LRP4: variants seen among roughly 807,000 people sequenced by gnomAD.
LRP4 encodes low-density lipoprotein receptor-related protein 4.
LRP4 carries 95 observed loss-of-function variants against 220.3 expected under a neutral mutation model. The observed-to-expected ratio is 0.43, with a 90% confidence interval of 0.37 to 0.51. LRP4 has a LOEUF of 0.51. Among genes scored for constraint, LRP4 ranks in the 20% least tolerant of loss-of-function variants. LRP4 has a pLI of 0.00. For missense variants in LRP4, 1,925 were observed against 2,567.0 expected, an observed-to-expected ratio of 0.75 and a Z score of 5.40; for synonymous variants, 903 against 954.6, an observed-to-expected ratio of 0.95 and a Z score of 1.00.
intron 13 of LRP4, among the ~76,000 whole-genome samples, chr11:46,891,704 C>A (rs1941428453): frequency 6.6e-6 from 1 of 152,080 alleles, no homozygotes; most frequent in African/African-American, 2.4e-5. Context: ...CAGCCTCGAA[C>A]TCCAGGGCTC....
intron 13 of LRP4, among the ~76,000 whole-genome samples, chr11:46,891,193 A>AACCTCC (rs1941414363): frequency 6.6e-6 from 1 of 152,044 alleles, no homozygotes; most frequent in Non-Finnish European, 1.5e-5. Flanking sequence ...AGCTCACTGC[A>AACCTCC]ACCTCCACCT....
chr11:46,886,451 G>A lies in LRP4; in HGVS notation c.2298C>T (p.Val766=). ...CACTGCGCACGTCAGCCAGTGGGAT[G>A]ACATCATCAGACAGGTCCTCTGTGT... ...SFDTEDLSDD[V]IPLADVRSAV... is the part of the protein sequence containing the mutation. The change falls in exon 17 of 38, where the codon GTC becomes GTT. Residue 766 remains valine, a synonymous_variant. Coordinates refer to ENST00000378623, the MANE Select transcript of LRP4 (RefSeq NM_002334.4). 1 of 1,614,136 alleles carries A rather than the reference G, an allele frequency of 6.2e-7. No homozygotes were observed. Among genetic ancestry groups the A allele is most frequent in the African/African-American group, 1.3e-5 (1 of 75,070 alleles).
At chr11:46,911,073 C>T (rs898603) in intron 1 of LRP4, among the ~76,000 whole-genome samples, 149,503 of 152,290 alleles carry the variant, frequency 0.98, 73,404 homozygotes, top group East Asian at 1. Context: ...AATGGATTAG[C>T]TTCCACTTTT....
chr11:46,891,236 C>T (rs1371003635), intron 13 of LRP4, among the ~76,000 whole-genome samples: 2 of 151,956 alleles, frequency 1.3e-5, no homozygotes, highest in Non-Finnish European at 2.9e-5. Flanking sequence ...GCCTCAGCCT[C>T]CCAAGTAGCT....
rs576719115 is a variant in LRP4 at position 46,861,523 on chromosome 11, CTTTT to C, written c.5385+1079_5385+1082del. Reference sequence around the variant, plus strand: ...AGTTAGTTTCCTTGTGGAAATGGGACTTTTTTTTTTTTTTTTTTTTTTGAGACAG... The same window carrying C: ...AGTTAGTTTCCTTGTGGAAATGGGACTTTTTTTTTTTTTTTTTTGAGACAG... On this transcript the variant is annotated intron_variant, in intron 37 of 37. Transcript: ENST00000378623. Among the ~76,000 whole-genome samples, 12 of 83,490 alleles carry C rather than the reference CTTTT, an allele frequency of 1.4e-4. 1 individual carries two copies. The highest frequency in any genetic ancestry group is 1.4e-3 in the East Asian group (3 of 2,160). 54.8% of individuals were successfully genotyped at this position (83,490 alleles called of 152,430 possible). A position where few individuals can be genotyped will look rare whatever the true frequency, so the allele number is the denominator to read the frequency against.
chr11:46,918,178 C>G lies in LRP4; in HGVS notation c.52+150G>C. 1.3e-6 allele frequency: 1 copy of G among 777,728 alleles called. No individual in the cohort carries two copies. Among genetic ancestry groups the G allele is most frequent in the Non-Finnish European group, 1.9e-6 (1 of 523,316 alleles). 48.2% of individuals were successfully genotyped at this position (777,728 alleles called of 1,614,324 possible). A position where few individuals can be genotyped will look rare whatever the true frequency, so the allele number is the denominator to read the frequency against. On this transcript the variant is annotated intron_variant, in intron 1 of 37. Coordinates refer to ENST00000378623, the MANE Select transcript of LRP4 (RefSeq NM_002334.4). This position sits in a 1 kb window ranked among gnomAD's most constrained non-coding sequence, Gnocchi z 6.0. ...CGGACTGCTGGAGCCGGGGCCGCTC[C>G]GGGTCCTCTCCCCTGCACGCAGCCC...
At position 46,861,491 on chromosome 11, in the gene LRP4, C is replaced by G. The variant is rs1223964543; in HGVS notation, c.5385+1115G>C. 2.1e-5 allele frequency among the ~76,000 whole-genome samples: 3 copies of G among 143,322 alleles called. No individual in the cohort carries two copies. The Admixed American group carries it at 2.1e-4, about 10-fold the overall frequency. The allele number at this position is 143,322 out of a possible 152,430, so 94.0% of individuals were successfully genotyped here. Reference sequence around the variant, plus strand: ...ATTGGATTAGGAAAATCTGAAATACCAGGTATAGTTAGTTTCCTTGTGGAA... The same window carrying G: ...ATTGGATTAGGAAAATCTGAAATACGAGGTATAGTTAGTTTCCTTGTGGAA... On this transcript the variant is annotated intron_variant, in intron 37 of 37. Coordinates refer to ENST00000378623, the MANE Select transcript of LRP4 (RefSeq NM_002334.4).
Position 46,875,983 on chromosome 11 carries a change from AT to A in LRP4, c.3537-18del. ...TACATAAACCTGAGTGAGGAAGAAT[AT>A]TAGCTATATTAGCTAGTTATTCCAG... On this transcript the variant is annotated intron_variant, in intron 25 of 37. Transcript: ENST00000378623. The surrounding 1 kb of genome is among the most constrained non-coding windows in gnomAD (Gnocchi z 4.5). 1 of 1,610,070 alleles carries A rather than the reference AT, an allele frequency of 6.2e-7. No individual in the cohort carries two copies. The highest frequency in any genetic ancestry group is 2.2e-5 in the East Asian group (1 of 44,846).
In LRP4 at chr11:46,889,461, C is replaced by T; in HGVS notation, c.2165G>A (p.Cys722Tyr). The T allele has an allele frequency of 6.2e-7, 1 of 1,614,140 alleles. No individual in the cohort carries two copies. The highest frequency in any genetic ancestry group is 8.5e-7 in the Non-Finnish European group (1 of 1,180,042). The change falls in exon 16 of 38, where the codon TGT becomes TAT. Residue 722 changes from cysteine to tyrosine, a missense_variant. Around this residue, in one of 3 missense-constraint regions of LRP4, gnomAD observed 1,244 missense variants for 1,624.9 expected, o/e 0.77. Coordinates refer to ENST00000378623, the MANE Select transcript of LRP4 (RefSeq NM_002334.4). The part of the protein sequence containing the change: ...LCLPSGQNYT[C>Y]ACPTGFRKIS... ...CTTGCGGAAGCCAGTGGGGCAGGCA[C>T]AGGTGTAGTTCTGGCCACTGGGCAG... is the stretch of plus-strand genomic sequence containing the variant.
intron 2 of LRP4, among the ~76,000 whole-genome samples, chr11:46,901,458 G>C (rs1239473834): frequency 6.6e-6 from 1 of 152,126 alleles, no homozygotes; most frequent in Non-Finnish European, 1.5e-5. Flanking sequence ...GAGGCCTTTT[G>C]ATATAATGCC....
rs2306026 is a variant in LRP4 at position 46,868,162 on chromosome 11, T to C, written c.4952-48A>G. On this transcript the variant is annotated intron_variant, in intron 33 of 37. Transcript: ENST00000378623. Reference sequence around the variant, plus strand: ...GTGGGCCACTGGAACCATAAACATCTACATATGGCCCAAGAGTAGCAGCTG... The same window carrying C: ...GTGGGCCACTGGAACCATAAACATCCACATATGGCCCAAGAGTAGCAGCTG... The C allele has an allele frequency of 0.73, 1,174,701 of 1,611,892 alleles. 436,948 individuals are homozygous for C. Among genetic ancestry groups the C allele is most frequent in the Non-Finnish European group, 0.77 (906,600 of 1,179,148 alleles).
chr11:46,863,746 G>A (rs1457873978), intron 36 of LRP4, among the ~76,000 whole-genome samples: 1 of 151,884 alleles, frequency 6.6e-6, no homozygotes, highest in East Asian at 1.9e-4. Flanking sequence ...GCAACAGAGT[G>A]AGACTCTATC....
rs1022944720 is a variant in LRP4 at position 46,894,460 on chromosome 11, C to T, written c.1540+129G>A. 2.6e-5 allele frequency: 19 copies of T among 726,794 alleles called. No homozygotes were observed. In the African/African-American group the frequency reaches 3.1e-4, roughly 12 times the overall value. 45.0% of individuals were successfully genotyped at this position (726,794 alleles called of 1,614,324 possible). A position where few individuals can be genotyped will look rare whatever the true frequency, so the allele number is the denominator to read the frequency against. ...ACAAATGTTTTCTATATTAGGGCTC[C>T]AACTAAGATTTCCCTGGAAGAAAAA... On this transcript the variant is annotated intron_variant, in intron 12 of 37. Transcript: ENST00000378623.
At chr11:46,866,099 T>A in intron 34 of LRP4, among the ~76,000 whole-genome samples, 1 of 150,416 alleles carries the variant, frequency 6.6e-6, no homozygotes, top group Admixed American at 6.6e-5. Context: ...TGTAAGCTAC[T>A]GATGATATTA....
At chr11:46,874,328 A>G (rs181253962) in intron 28 of LRP4, 2 of 166,354 alleles carry the variant, frequency 1.2e-5, no homozygotes, top group Admixed American at 1.1e-4. Context: ...GTGGCAGGAC[A>G]TCATATTCCT....
intron 11 of LRP4, 41 bp downstream of exon 11, chr11:46,895,125 T>C (rs762761856): frequency 6.2e-6 from 10 of 1,612,064 alleles, no homozygotes; most frequent in Non-Finnish European, 8.5e-6. Context: ...TCCTCCATGC[T>C]CGGCCCTCTG....
intron 22 of LRP4, 54 bp from the exon 23 acceptor site, chr11:46,877,393 T>A: frequency 6.2e-7 from 1 of 1,605,606 alleles, no homozygotes; most frequent in Non-Finnish European, 8.5e-7. Flanking sequence ...ATTAAATGGA[T>A]TTGGAATCAG....
intron 7 of LRP4, among the ~76,000 whole-genome samples, chr11:46,897,951 C>T (rs1162079615): frequency 2.0e-5 from 3 of 152,020 alleles, no homozygotes; most frequent in Non-Finnish European, 2.9e-5. Context: ...TAGGGGCGGC[C>T]GGGCAGAGGC....
chr11:46,915,804 A>G lies in LRP4; in HGVS notation c.52+2524T>C, dbSNP rs546500880. On this transcript the variant is annotated intron_variant, in intron 1 of 37. Coordinates refer to ENST00000378623, the MANE Select transcript of LRP4 (RefSeq NM_002334.4). ...AGTGATCCGCTAGTCTCAGCCTCCC[A>G]AAATCACCTTAAACTTTAGTGTCTT... 6.8e-4 allele frequency among the ~76,000 whole-genome samples: 104 copies of G among 152,322 alleles called. 1 individual carries two copies. The highest frequency in any genetic ancestry group is 2.4e-3 in the African/African-American group (100 of 41,570).
Sources: allele counts gnomAD v4.1 joint callset (sites outside exome capture counted in the v4.1 genomes callset), GRCh38; gene constraint gnomAD v4.1.1; regional missense constraint gnomAD v4.1.1; non-coding constraint Gnocchi (gnomAD v3.1); transcripts MANE v1.5; gene names NCBI Gene and HGNC (gene_info 2026-07-23, HGNC 2026-07-21).